The following GALNT13 variants were observed in gnomAD, a reference collection of about 807,000 sequenced individuals.
GALNT13 encodes the protein polypeptide N-acetylgalactosaminyltransferase 13, also known as UDP-GalNAc:polypeptide N-acetylgalactosaminyltransferase 13.
In GALNT13, 28 loss-of-function variants were observed where a neutral mutation model predicts 64.2. That is an observed-to-expected ratio of 0.44 (90% CI 0.32 to 0.60). The LOEUF (loss-of-function observed/expected upper bound fraction) is 0.60. Ranked by LOEUF, GALNT13 falls within the 20% of genes least tolerant of loss-of-function variation. The probability of loss-of-function intolerance (pLI) is 0.05; values close to 1 mark genes in which losing one functional copy is unlikely to be tolerated. For synonymous variants in GALNT13, 214 were observed against 224.6 expected (o/e 0.95, Z 0.42); for missense variants, 577 against 669.8 (o/e 0.86, Z 1.53).
the GALNT13 span, among the ~76,000 whole-genome samples, chr2:153,267,839 T>G: frequency 2.6e-5 from 4 of 152,236 alleles, no homozygotes; most frequent in Non-Finnish European, 4.4e-5. Flanking sequence ...CTGCAAATTT[T>G]CCAAGCTTTT....
In GALNT13 at chr2:154,450,743, C is replaced by A; in HGVS notation, c.*192C>A. On this transcript the variant is annotated 3_prime_UTR_variant, in exon 13 of 13. Coordinates refer to ENST00000392825, the MANE Select transcript of GALNT13 (RefSeq NM_052917.4). ...CTAAAATTTGTATCTGATCAAAGCA[C>A]ATAAGAATATAAATAATAGCAAACT... 2.0e-6 allele frequency: 1 copy of A among 494,722 alleles called. No homozygotes were observed. Among genetic ancestry groups the A allele is most frequent in the South Asian group, 3.8e-5 (1 of 26,020 alleles). The allele number at this position is 494,722 out of a possible 1,614,324, so 30.6% of individuals were successfully genotyped here.
the GALNT13 span, among the ~76,000 whole-genome samples, chr2:153,275,541 A>C: frequency 6.6e-6 from 1 of 152,178 alleles, no homozygotes; most frequent in Non-Finnish European, 1.5e-5. Context: ...CTCAGCCTCC[A>C]GAAGTATGAT....
chr2:153,828,522 G>C, the GALNT13 span, among the ~76,000 whole-genome samples: 1 of 152,184 alleles, frequency 6.6e-6, no homozygotes, highest in African/African-American at 2.4e-5. Context: ...TGTAGCCACG[G>C]CTGGAGTGGC....
At chr2:153,767,504 T>C in the GALNT13 span, among the ~76,000 whole-genome samples, 3 of 152,160 alleles carry the variant, frequency 2.0e-5, no homozygotes, top group Non-Finnish European at 4.4e-5. Flanking sequence ...GTTATATTTT[T>C]AGTTCTACAA....
intron 9 of GALNT13, among the ~76,000 whole-genome samples, chr2:154,351,228 G>A (rs1422927236): frequency 2.0e-5 from 3 of 152,130 alleles, no homozygotes; most frequent in Non-Finnish European, 4.4e-5. Context: ...ATATCTTTTG[G>A]AAATGGTGTC....
chr2:153,291,874 G>A, the GALNT13 span, among the ~76,000 whole-genome samples: 1 of 152,118 alleles, frequency 6.6e-6, no homozygotes, highest in Non-Finnish European at 1.5e-5. Context: ...AACTGTGTGT[G>A]GGTGTGTCTT....
At chr2:153,561,402 CAT>C in the GALNT13 span, among the ~76,000 whole-genome samples, 1 of 151,994 alleles carries the variant, frequency 6.6e-6, no homozygotes, top group African/African-American at 2.4e-5. Flanking sequence ...TGAATCTAAA[CAT>C]AAAATCCATT....
chr2:153,723,566 G>A, the GALNT13 span, among the ~76,000 whole-genome samples: 1 of 151,532 alleles, frequency 6.6e-6, no homozygotes, highest in African/African-American at 2.4e-5. Context: ...CATCGTCTCA[G>A]CCCAAAATCT....
At chr2:153,684,765 G>A in the GALNT13 span, among the ~76,000 whole-genome samples, 24 of 151,532 alleles carry the variant, frequency 1.6e-4, no homozygotes, top group African/African-American at 5.6e-4. Context: ...ATTAAGCCTA[G>A]TATCCATTAG....
chr2:154,227,520 C>A (rs898113586), intron 4 of GALNT13, among the ~76,000 whole-genome samples: 15 of 135,368 alleles, frequency 1.1e-4, no homozygotes, highest in African/African-American at 4.1e-4. Context: ...GTGATGTTCC[C>A]CTTCCTGTGT....
intron 4 of GALNT13, among the ~76,000 whole-genome samples, chr2:154,204,913 T>C (rs944772575): frequency 3.9e-5 from 6 of 152,228 alleles, no homozygotes; most frequent in African/African-American, 1.4e-4. Context: ...TAGTGTTTAA[T>C]ACAGCATATG....
the GALNT13 span, among the ~76,000 whole-genome samples, chr2:153,258,637 G>A: frequency 6.6e-6 from 1 of 151,552 alleles, no homozygotes; most frequent in Non-Finnish European, 1.5e-5. Context: ...GCATCTCATA[G>A]GATTTAATAT....
chr2:153,766,615 T>G, the GALNT13 span, among the ~76,000 whole-genome samples: 1 of 152,260 alleles, frequency 6.6e-6, no homozygotes, highest in East Asian at 1.9e-4. Flanking sequence ...TACTAATTCT[T>G]TTCTCTGTCT....
intron 3 of GALNT13, among the ~76,000 whole-genome samples, chr2:153,972,406 C>T (rs191787135): frequency 2.0e-5 from 3 of 152,172 alleles, no homozygotes; most frequent in Admixed American, 2.0e-4. Flanking sequence ...AAATATCCTT[C>T]TCCATCTTTT....
the GALNT13 span, among the ~76,000 whole-genome samples, chr2:153,824,295 A>G: frequency 2.0e-5 from 3 of 152,190 alleles, no homozygotes; most frequent in Admixed American, 2.0e-4. Context: ...AATTAGTTCA[A>G]CCACTGTGGA....
At chr2:153,260,265 A>C in the GALNT13 span, among the ~76,000 whole-genome samples, 5 of 152,206 alleles carry the variant, frequency 3.3e-5, no homozygotes, top group African/African-American at 1.2e-4. Flanking sequence ...GGGTTATAAA[A>C]TTCTGCATAC....
the GALNT13 span, among the ~76,000 whole-genome samples, chr2:153,577,149 T>TGTA: frequency 0.036 from 5,505 of 152,226 alleles, 336 homozygotes; most frequent in African/African-American, 0.12. Flanking sequence ...CCCTGTACAT[T>TGTA]GTAGTCTTTT....
chr2:153,748,628 T>C, the GALNT13 span, among the ~76,000 whole-genome samples: 1 of 152,298 alleles, frequency 6.6e-6, no homozygotes, highest in East Asian at 1.9e-4. Context: ...TTATTAGATT[T>C]TTTTCTATAG....
At chr2:154,119,465 T>C (rs1416215486) in intron 3 of GALNT13, among the ~76,000 whole-genome samples, 1 of 152,206 alleles carries the variant, frequency 6.6e-6, no homozygotes, top group Non-Finnish European at 1.5e-5. Context: ...AGTTTACATC[T>C]ATCCTTAGAT....
Sources: gnomAD v4.1 joint callset for allele counts (sites outside exome capture counted in the v4.1 genomes callset) on GRCh38, gnomAD v4.1.1 for gene constraint, MANE v1.5 for transcripts, NCBI Gene and HGNC (gene_info 2026-07-23, HGNC 2026-07-21) for gene names.